The following ENDOV variants were observed in gnomAD, a reference collection of about 807,000 sequenced individuals.
ENDOV encodes the protein hEndoV.
Under a neutral mutation model 39.4 loss-of-function variants are expected in ENDOV, and 37 were observed. That is an observed-to-expected ratio of 0.94 (90% confidence interval 0.72 to 1.23). The LOEUF (loss-of-function observed/expected upper bound fraction) is 1.23, where lower values mean the gene tolerates loss of function less well. ENDOV is among the 50% of genes most tolerant of loss of function. The pLI is 0.00. For synonymous variants in ENDOV, 186 were observed against 163.4 expected, an observed-to-expected ratio of 1.14 and a Z score of -1.05; for missense variants, 441 against 375.7, an observed-to-expected ratio of 1.17 and a Z score of -1.44.
intron 2 of ENDOV, chr17:80,419,527 T>C (rs1568212646): frequency 1.4e-6 from 1 of 697,028 alleles, no homozygotes; most frequent in Admixed American, 2.0e-5. Flanking sequence ...GAGCAATGGC[T>C]AGTGTGTTCT....
intron 6 of ENDOV, 106 bp downstream of exon 6, chr17:80,425,206 C>A: frequency 2.0e-6 from 2 of 996,644 alleles, no homozygotes; most frequent in South Asian, 1.5e-5. Flanking sequence ...TTGCCCACAT[C>A]AACCCCCCGC....
chr17:80,428,376 T>C (rs1359804023), intron 7 of ENDOV: 1 of 571,054 alleles, frequency 1.8e-6, no homozygotes, highest in Non-Finnish European at 3.1e-6. Flanking sequence ...CCCAGCTCGG[T>C]TTGAGAGCTG....
In ENDOV at chr17:80,428,393, C is replaced by T. The variant is rs143344068; in HGVS notation, c.715-203C>T. ...CAGCTCGGTTTGAGAGCTGCCATTG[C>T]GGGGCTTTGACCCCAAAGTCCCAGG... On this transcript the variant is annotated intron_variant, in intron 7 of 9. Coordinates refer to ENST00000518137, the MANE Select transcript of ENDOV (RefSeq NM_173627.5). The T allele has an allele frequency of 3.2e-4, 190 of 587,944 alleles. 1 individual carries two copies. The highest frequency in any genetic ancestry group is 2.2e-3 in the African/African-American group (120 of 53,598). The allele number at this position is 587,944 out of a possible 1,614,324, so 36.4% of individuals were successfully genotyped here. A position where few individuals can be genotyped will look rare whatever the true frequency, so the allele number is the denominator to read the frequency against.
At chr17:80,426,103 C>T (rs1328723924) in intron 7 of ENDOV, among the ~76,000 whole-genome samples, 4 of 152,134 alleles carry the variant, frequency 2.6e-5, no homozygotes, top group African/African-American at 7.2e-5. Context: ...GGTGTTCGGT[C>T]CCCCAGGAAG....
chr17:80,418,469 T>TTTTA (rs2081496958), intron 2 of ENDOV: 4 of 152,332 alleles, frequency 2.6e-5, no homozygotes, highest in Admixed American at 1.3e-4. Flanking sequence ...GTACCATATT[T>TTTTA]CTTTTACAAC....
chr17:80,427,596 A>G (rs892211302), intron 7 of ENDOV: 14 of 1,119,464 alleles, frequency 1.3e-5, no homozygotes, highest in Non-Finnish European at 1.6e-5. Flanking sequence ...GCGTGAGCCG[A>G]GGATCGTGTC....
At chr17:80,434,241 A>G (rs1379086016) in intron 9 of ENDOV, among the ~76,000 whole-genome samples, 1 of 152,140 alleles carries the variant, frequency 6.6e-6, no homozygotes, top group Non-Finnish European at 1.5e-5. Flanking sequence ...TCTTGGCATA[A>G]TGTTTTCAAG....
At chr17:80,423,938 C>T in intron 5 of ENDOV, 1 of 428,376 alleles carries the variant, frequency 2.3e-6, no homozygotes. Flanking sequence ...ACAGGACGGG[C>T]TTCCAGGCTG....
intron 5 of ENDOV, among the ~76,000 whole-genome samples, chr17:80,424,529 A>C (rs955630757): frequency 6.6e-6 from 1 of 152,200 alleles, no homozygotes; most frequent in Non-Finnish European, 1.5e-5. Context: ...CAGCACCCTC[A>C]GCTCAGGGAC....
intron 2 of ENDOV, 71 bp downstream of exon 2, chr17:80,415,892 G>A: frequency 6.6e-7 from 1 of 1,519,664 alleles, no homozygotes; most frequent in Non-Finnish European, 8.9e-7. Context: ...CCGGGACAGG[G>A]AGCAGTGCAA....
At chr17:80,423,406 G>A in intron 4 of ENDOV, 114 bp from the exon 5 acceptor site, 1 of 1,012,044 alleles carries the variant, frequency 9.9e-7, no homozygotes. Context: ...CCCTCTGCCT[G>A]TCCACAGACC....
chr17:80,428,758 G>A (rs2083041867), intron 8 of ENDOV, 98 bp downstream of exon 8: 1 of 1,225,052 alleles, frequency 8.2e-7, no homozygotes, highest in African/African-American at 1.5e-5. Context: ...GCAATATTGT[G>A]GCTCAGGACA....
In ENDOV at chr17:80,425,019, C is replaced by T. The variant is rs769796391; in HGVS notation, c.517-13C>T. ...GAGGGGTTTTTTTCCCCATTTTTCCCTCCATTTTCCAGATCCGACTCCTGC... is the reference window on the plus strand; with the variant it reads ...GAGGGGTTTTTTTCCCCATTTTTCCTTCCATTTTCCAGATCCGACTCCTGC... On this transcript the variant is annotated splice_polypyrimidine_tract_variant and intron_variant, in intron 5 of 9. Transcript: ENST00000518137. 6.2e-6 allele frequency: 10 copies of T among 1,610,000 alleles called. No homozygotes were observed. Among genetic ancestry groups the T allele is most frequent in the Non-Finnish European group, 8.5e-6 (10 of 1,178,238 alleles).
intron 1 of ENDOV, 122 bp downstream of exon 1, chr17:80,415,372 C>T: frequency 8.0e-7 from 1 of 1,255,208 alleles, no homozygotes; most frequent in Non-Finnish European, 1.1e-6. Context: ...GACTCCAAAG[C>T]AAAGCCCAGT....
chr17:80,422,856 C>CG (rs1242147284), intron 4 of ENDOV, among the ~76,000 whole-genome samples: 1 of 152,216 alleles, frequency 6.6e-6, no homozygotes, highest in Non-Finnish European at 1.5e-5. Context: ...CCCATCACCA[C>CG]GCCCGGCTAA....
At chr17:80,431,982 T>A (rs1022929257) in intron 9 of ENDOV, among the ~76,000 whole-genome samples, 10 of 151,898 alleles carry the variant, frequency 6.6e-5, no homozygotes, top group African/African-American at 2.2e-4. Flanking sequence ...TGCCTCTAGC[T>A]CAAGTTGGGA....
chr17:80,415,298 G>C, intron 1 of ENDOV, 48 bp downstream of exon 1: 1 of 1,599,378 alleles, frequency 6.3e-7, no homozygotes, highest in Non-Finnish European at 8.5e-7. Context: ...AGGCCGGGCG[G>C]CCCTTCGCGG....
At chr17:80,430,037 G>C in intron 9 of ENDOV, 6 of 1,535,744 alleles carry the variant, frequency 3.9e-6, no homozygotes, top group Non-Finnish European at 5.2e-6. Context: ...CATCTCAGCC[G>C]CAGGTGGAGC....
intron 8 of ENDOV, 42 bp downstream of exon 8, chr17:80,428,702 C>G (rs1183914962): frequency 2.0e-6 from 3 of 1,537,144 alleles, no homozygotes; most frequent in Non-Finnish European, 1.8e-6. Flanking sequence ...GGGCATCTCA[C>G]AGACACCTGC....
Sources: allele counts gnomAD v4.1 joint callset (sites outside exome capture counted in the v4.1 genomes callset), GRCh38; gene constraint gnomAD v4.1.1; transcripts MANE v1.5; gene names NCBI Gene and HGNC (gene_info 2026-07-23, HGNC 2026-07-21).